Variants in BICDL1 observed in about 807,000 individuals in gnomAD.
BICDL1 encodes the protein BICD family-like cargo adapter 1.
In BICDL1, 20 loss-of-function variants were observed where a neutral mutation model predicts 76.8. That is an observed-to-expected ratio of 0.26 (90% confidence interval 0.18 to 0.38). BICDL1 has a LOEUF of 0.38. Among genes scored for constraint, BICDL1 ranks in the 10% least tolerant of loss-of-function variants. The pLI is 1.00. For missense variants in BICDL1, 700 were observed against 798.6 expected (o/e 0.88, Z 1.49); for synonymous variants, 383 against 337.1 (o/e 1.14, Z -1.49).
At chr12:120,010,323 AT>A (rs1360312858) in intron 2 of BICDL1, among the ~76,000 whole-genome samples, 1 of 152,252 alleles carries the variant, frequency 6.6e-6, no homozygotes, top group African/African-American at 2.4e-5. Context: ...GATTGCCACC[AT>A]CATCCTTATC....
At chr12:120,092,757 A>C (rs1363764057) in intron 9 of BICDL1, 8 of 985,296 alleles carry the variant, frequency 8.1e-6, no homozygotes, top group Non-Finnish European at 9.6e-6. Context: ...GCCCAGCAGG[A>C]GTAACACTGT....
intron 9 of BICDL1, 188 bp from the exon 10 acceptor site, chr12:120,092,812 C>T (rs1306659321): frequency 4.1e-6 from 4 of 985,304 alleles, no homozygotes; most frequent in African/African-American, 1.7e-5. Context: ...AGGTGCCATA[C>T]GGCTCCTGCG....
intron 8 of BICDL1, among the ~76,000 whole-genome samples, chr12:120,087,111 G>A (rs1874485266): frequency 6.6e-6 from 1 of 152,248 alleles, no homozygotes; most frequent in Non-Finnish European, 1.5e-5. Context: ...GCTGTCGTGG[G>A]GCACCACGGG....
At chr12:120,054,309 A>C (rs1048256489) in intron 2 of BICDL1, among the ~76,000 whole-genome samples, 1 of 151,974 alleles carries the variant, frequency 6.6e-6, no homozygotes, top group Non-Finnish European at 1.5e-5. Context: ...TCCTGACCTC[A>C]AGTGATCTGC....
chr12:120,075,060 G>A (rs138420846), intron 7 of BICDL1, among the ~76,000 whole-genome samples: 50 of 152,268 alleles, frequency 3.3e-4, no homozygotes, highest in African/African-American at 1.1e-3. Context: ...ATTTGATCAC[G>A]ATTTCATCTC....
intron 4 of BICDL1, among the ~76,000 whole-genome samples, chr12:120,069,583 C>G (rs567712735): frequency 6.6e-6 from 1 of 152,310 alleles, no homozygotes; most frequent in East Asian, 1.9e-4. Context: ...AGCCTAGGGC[C>G]TTGCCTCTAA....
intron 1 of BICDL1, among the ~76,000 whole-genome samples, chr12:119,998,212 ATTG>A (rs1951690852): frequency 6.6e-6 from 1 of 152,202 alleles, no homozygotes; most frequent in Non-Finnish European, 1.5e-5. Context: ...TAGTTCACCA[ATTG>A]ATTAGATGAT....
chr12:120,046,077 T>C (rs555612767), intron 2 of BICDL1, among the ~76,000 whole-genome samples: 2 of 152,284 alleles, frequency 1.3e-5, no homozygotes, highest in East Asian at 3.9e-4. Flanking sequence ...GTGGTAATTA[T>C]TTTAGCTTGG....
chr12:120,059,462 C>G (rs985685315), intron 2 of BICDL1, among the ~76,000 whole-genome samples: 1 of 151,604 alleles, frequency 6.6e-6, no homozygotes, highest in South Asian at 2.1e-4. Flanking sequence ...TTTTAGTAGA[C>G]ACGGGGTTTC....
chr12:120,071,844 T>G lies in BICDL1; in HGVS notation c.1089+43T>G, dbSNP rs753333302. The stretch of plus-strand genomic sequence containing the variant: ...ACCCCACAGGCGAGGCTACCTGGGG[T>G]TGCTTAGGTCTCATCCTCCTCCCTA... On this transcript the variant is annotated intron_variant, in intron 5 of 9. Coordinates refer to ENST00000548673, the MANE Select transcript of BICDL1 (RefSeq NM_001367886.1). The surrounding 1 kb of genome is among the most constrained non-coding windows in gnomAD (Gnocchi z 4.8). The G allele has an allele frequency of 1.6e-5, 24 of 1,525,134 alleles. No individual in the cohort carries two copies. The highest frequency in any genetic ancestry group is 2.1e-5 in the Admixed American group (1 of 47,732). The allele number at this position is 1,525,134 out of a possible 1,614,324, so 94.5% of individuals were successfully genotyped here.
intron 2 of BICDL1, among the ~76,000 whole-genome samples, chr12:120,054,690 A>T (rs1256595223): frequency 1.3e-5 from 2 of 152,136 alleles, no homozygotes; most frequent in African/African-American, 4.8e-5. Flanking sequence ...CAGCCTGGCC[A>T]ACATGAAGGA....
intron 5 of BICDL1, 136 bp from the exon 6 acceptor site, chr12:120,072,375 A>T (rs1873172593): frequency 2.7e-6 from 2 of 752,974 alleles, no homozygotes; most frequent in Non-Finnish European, 2.2e-6. Flanking sequence ...GTTAAAAAAA[A>T]AACACAGAAC....
chr12:120,033,487 C>G (rs1038345859), intron 2 of BICDL1, among the ~76,000 whole-genome samples: 3 of 150,602 alleles, frequency 2.0e-5, no homozygotes, highest in Admixed American at 1.3e-4. Context: ...CGCCATTCTC[C>G]CACCTCAGCC....
intron 2 of BICDL1, among the ~76,000 whole-genome samples, chr12:120,030,298 C>A (rs1483407282): frequency 6.6e-6 from 1 of 152,016 alleles, no homozygotes; most frequent in Non-Finnish European, 1.5e-5. Context: ...GGAAATGAGG[C>A]GAGATGTAGA....
intron 2 of BICDL1, among the ~76,000 whole-genome samples, chr12:120,040,817 G>A (rs773770007): frequency 1.4e-5 from 2 of 144,474 alleles, no homozygotes; most frequent in African/African-American, 5.5e-5. Context: ...GCATGATCCC[G>A]GCTCACTGCA....
chr12:120,092,732 C>G, intron 9 of BICDL1: 3 of 985,470 alleles, frequency 3.0e-6, no homozygotes, highest in Non-Finnish European at 1.2e-6. Context: ...GAGCCATCAG[C>G]TGAGGACTGT....
intron 4 of BICDL1, among the ~76,000 whole-genome samples, chr12:120,068,331 C>G (rs1371901547): frequency 6.6e-6 from 1 of 152,228 alleles, no homozygotes; most frequent in East Asian, 1.9e-4. Flanking sequence ...ACCACCACTT[C>G]CTGAAAGTCT....
chr12:120,083,804 C>T (rs894168986), intron 8 of BICDL1, among the ~76,000 whole-genome samples: 5 of 151,760 alleles, frequency 3.3e-5, no homozygotes, highest in Non-Finnish European at 5.9e-5. Flanking sequence ...TACAGGCATG[C>T]GCCCCCATGC....
chr12:119,998,516 C>T lies in BICDL1; in HGVS notation c.430-5C>T. The T allele has an allele frequency of 2.5e-6, 4 of 1,594,336 alleles. No individual in the cohort carries two copies. The highest frequency in any genetic ancestry group is 3.4e-6 in the Non-Finnish European group (4 of 1,171,254). On this transcript the variant is annotated splice_region_variant and splice_polypyrimidine_tract_variant and intron_variant, in intron 1 of 9. Coordinates refer to ENST00000548673, the MANE Select transcript of BICDL1 (RefSeq NM_001367886.1). Reference sequence around the variant, plus strand: ...AGTGTTTAAATCCCTTCACTTTTCACCCAGCACTTAGAGCAAGAGAAACAT... The same window carrying T: ...AGTGTTTAAATCCCTTCACTTTTCATCCAGCACTTAGAGCAAGAGAAACAT...
Sources: allele counts gnomAD v4.1 joint callset (sites outside exome capture counted in the v4.1 genomes callset), GRCh38; gene constraint gnomAD v4.1.1; non-coding constraint Gnocchi (gnomAD v3.1); transcripts MANE v1.5; gene names NCBI Gene and HGNC (gene_info 2026-07-23, HGNC 2026-07-21).